GRAMD1B: variants seen among roughly 807,000 people sequenced by gnomAD.
The protein encoded by GRAMD1B is protein Aster-B.
A neutral mutation model predicts 99.7 loss-of-function variants in GRAMD1B; 37 were observed. The observed-to-expected ratio is 0.37, with a 90% CI of 0.29 to 0.49. The LOEUF (loss-of-function observed/expected upper bound fraction) is 0.49, where lower values mean the gene tolerates loss of function less well. GRAMD1B is among the 20% of genes least tolerant of loss of function. The probability of loss-of-function intolerance (pLI) is 0.98; values close to 1 mark genes in which losing one functional copy is unlikely to be tolerated. For missense variants in GRAMD1B, 888 were observed against 1,009.2 expected (o/e 0.88, Z 1.63); for synonymous variants, 427 against 387.6 (o/e 1.10, Z -1.19).
At chr11:123,391,516 G>A (rs1470137352) in intron 1 of GRAMD1B, among the ~76,000 whole-genome samples, 3 of 152,148 alleles carry the variant, frequency 2.0e-5, no homozygotes, top group African/African-American at 7.2e-5. Flanking sequence ...GAGTGCAGTG[G>A]CATGATCTCG....
rs1376774744 is a variant in GRAMD1B, at chr11:123,594,775, C to T, written c.810C>T (p.Gly270=). The T allele has an allele frequency of 2.5e-6, 4 of 1,606,592 alleles. No individual in the cohort carries two copies. The highest frequency in any genetic ancestry group is 3.4e-6 in the Non-Finnish European group (4 of 1,173,186). ...CALQRDILLQ[G]RLYLSENWIC... Reference sequence around the variant, plus strand: ...TCCAAAGAGACATTCTCCTTCAGGGCCGACTCTACCTCTCTGAAAATTGGA... The same window carrying T: ...TCCAAAGAGACATTCTCCTTCAGGGTCGACTCTACCTCTCTGAAAATTGGA... The change falls in exon 6 of 20, where the codon GGC becomes GGT. Residue 270 remains glycine, a synonymous_variant. Transcript: ENST00000635736.
At chr11:123,447,050 T>C (rs1208525679) in intron 1 of GRAMD1B, among the ~76,000 whole-genome samples, 1 of 152,072 alleles carries the variant, frequency 6.6e-6, no homozygotes, top group Non-Finnish European at 1.5e-5. Context: ...ATTGAGTGTG[T>C]GGGAGATCAC....
intron 4 of GRAMD1B, among the ~76,000 whole-genome samples, chr11:123,592,308 C>T (rs372961963): frequency 6.6e-6 from 1 of 152,198 alleles, no homozygotes; most frequent in East Asian, 1.9e-4. Context: ...AGCAGTTACC[C>T]TCCAGAGGCA....
intron 1 of GRAMD1B, among the ~76,000 whole-genome samples, chr11:123,461,666 G>A (rs761440205): frequency 1.3e-5 from 2 of 152,234 alleles, no homozygotes; most frequent in Non-Finnish European, 1.5e-5. Flanking sequence ...GTGCAATGGC[G>A]TGATCTCGGC....
At chr11:123,557,904 C>G (rs73027975) in intron 2 of GRAMD1B, among the ~76,000 whole-genome samples, 1 of 150,116 alleles carries the variant, frequency 6.7e-6, no homozygotes, top group Non-Finnish European at 1.5e-5. Flanking sequence ...GAAGTTAGGA[C>G]TAGGACTCTG....
rs571236070 is a variant in GRAMD1B at position 123,548,080 on chromosome 11, T to C, written c.453-29287T>C. On this transcript the variant is annotated intron_variant, in intron 2 of 19. Coordinates refer to ENST00000635736, the MANE Select transcript of GRAMD1B (RefSeq NM_001387025.1). ...TAGTGTATGGACTGTAGGATGGGAATCAGATTTTGGTTAGGGCCATGTTAT... is the reference window on the plus strand; with the variant it reads ...TAGTGTATGGACTGTAGGATGGGAACCAGATTTTGGTTAGGGCCATGTTAT... 6.6e-5 allele frequency among the ~76,000 whole-genome samples: 10 copies of C among 151,674 alleles called. No homozygotes were observed. In the East Asian group the frequency reaches 2.0e-3, roughly 30 times the overall value.
chr11:123,361,948 C>T lies in GRAMD1B; in HGVS notation c.-176+3149C>T, dbSNP rs139095738. On this transcript the variant is annotated intron_variant, in intron 1 of 20. Coordinates refer to the GRAMD1B transcript ENST00000638157. The stretch of plus-strand genomic sequence containing the variant: ...GAGGGTCACCTTAATTTATTAAAGC[C>T]TCATTTGGTAGGCATGAGAATAGAA... Among the ~76,000 whole-genome samples the T allele has an allele frequency of 1.4e-4, 21 of 152,338 alleles. No homozygotes were observed. In the East Asian group the frequency reaches 3.3e-3, roughly 24 times the overall value.
chr11:123,416,825 T>C (rs1948246715), intron 1 of GRAMD1B, among the ~76,000 whole-genome samples: 1 of 152,254 alleles, frequency 6.6e-6, no homozygotes, highest in Non-Finnish European at 1.5e-5. Context: ...GTGACTGAGC[T>C]AAGTGCTTTA....
intron 1 of GRAMD1B, among the ~76,000 whole-genome samples, chr11:123,400,837 A>G (rs776822584): frequency 6.6e-6 from 1 of 152,186 alleles, no homozygotes; most frequent in Non-Finnish European, 1.5e-5. Context: ...TTACTCCAGT[A>G]TTTTATTGAT....
chr11:123,433,683 T>C (rs749195108), intron 1 of GRAMD1B, among the ~76,000 whole-genome samples: 6 of 45,860 alleles, frequency 1.3e-4, no homozygotes, highest in Non-Finnish European at 2.1e-4. Flanking sequence ...TACGTGCGTG[T>C]GTGTGTGTGT....
At chr11:123,471,465 A>G (rs1263984355) in intron 1 of GRAMD1B, among the ~76,000 whole-genome samples, 1 of 152,208 alleles carries the variant, frequency 6.6e-6, no homozygotes, top group East Asian at 1.9e-4. Flanking sequence ...GACCAAATAG[A>G]AGAAGAGCCC....
At chr11:123,371,524 AC>A (rs2135734690) in intron 1 of GRAMD1B, among the ~76,000 whole-genome samples, 1 of 152,264 alleles carries the variant, frequency 6.6e-6, no homozygotes, top group African/African-American at 2.4e-5. Context: ...CACTTTATGA[AC>A]TTTTAGGCCC....
At chr11:123,619,066 A>G (rs1954804758) in intron 18 of GRAMD1B, 41 bp from the exon 19 acceptor site, 3 of 1,135,556 alleles carry the variant, frequency 2.6e-6, no homozygotes, top group Non-Finnish European at 3.9e-6. Flanking sequence ...TTCGCTGAGC[A>G]TAACTCCAGC....
chr11:123,400,226 C>T (rs1947612163), intron 1 of GRAMD1B, among the ~76,000 whole-genome samples: 2 of 152,078 alleles, frequency 1.3e-5, no homozygotes, highest in African/African-American at 4.8e-5. Flanking sequence ...CCTGTAATCC[C>T]AGCATTTTGG....
chr11:123,592,463 G>C (rs765003268), intron 4 of GRAMD1B, among the ~76,000 whole-genome samples: 1 of 152,178 alleles, frequency 6.6e-6, no homozygotes, highest in Admixed American at 6.5e-5. Flanking sequence ...AGTGCCACAT[G>C]CACATGGCTT....
intron 1 of GRAMD1B, among the ~76,000 whole-genome samples, chr11:123,438,626 C>CAGCT (rs1949271417): frequency 6.6e-6 from 1 of 152,086 alleles, no homozygotes; most frequent in African/African-American, 2.4e-5. Flanking sequence ...TCATACTGGC[C>CAGCT]AGCTTCCTCT....
intron 1 of GRAMD1B, among the ~76,000 whole-genome samples, chr11:123,448,499 A>G (rs1042006863): frequency 2.0e-5 from 3 of 152,216 alleles, no homozygotes; most frequent in African/African-American, 7.2e-5. Flanking sequence ...GATTACAGGC[A>G]TGAGCCAGCA....
chr11:123,580,425 C>T (rs1263830741), intron 3 of GRAMD1B, among the ~76,000 whole-genome samples: 2 of 152,172 alleles, frequency 1.3e-5, no homozygotes, highest in East Asian at 3.9e-4. Flanking sequence ...GTAGCTGGTC[C>T]ACCTCACTCC....
rs375965169 is a variant in GRAMD1B at position 123,577,616 on chromosome 11, G to C, written c.663+39G>C. The stretch of plus-strand genomic sequence containing the variant: ...CGTTGAGGCGGTACCTCCTTGTCAG[G>C]GGCTGCGGGGAGCGATATTGGGGTG... On this transcript the variant is annotated intron_variant, in intron 3 of 19. Coordinates refer to ENST00000635736, the MANE Select transcript of GRAMD1B (RefSeq NM_001387025.1). 18 of 1,466,600 alleles carry C rather than the reference G, an allele frequency of 1.2e-5. No individual in the cohort carries two copies. In the African/African-American group the frequency reaches 2.2e-4, roughly 18 times the overall value. 90.8% of individuals were successfully genotyped at this position (1,466,600 alleles called of 1,614,324 possible). A position where few individuals can be genotyped will look rare whatever the true frequency, so the allele number is the denominator to read the frequency against.
Sources: allele counts gnomAD v4.1 joint callset (sites outside exome capture counted in the v4.1 genomes callset), GRCh38; gene constraint gnomAD v4.1.1; transcripts MANE v1.5; gene names NCBI Gene and HGNC (gene_info 2026-07-23, HGNC 2026-07-21).